The following ATAD1 variants were observed in gnomAD, a reference collection of about 807,000 sequenced individuals.
ATAD1 encodes the protein ATPase family AAA domain containing 1, also known as outer mitochondrial transmembrane helix translocase.
ATAD1 carries 18 observed loss-of-function variants against 42.7 expected under a neutral mutation model. The ratio of observed to expected loss-of-function variants is 0.42; its 90% CI spans 0.29 to 0.63. The LOEUF (loss-of-function observed/expected upper bound fraction) is 0.63. Among genes scored for constraint, ATAD1 ranks in the 20% least tolerant of loss-of-function variants. The probability of loss-of-function intolerance (pLI) is 0.19; values close to 1 mark genes in which losing one functional copy is unlikely to be tolerated. For missense variants in ATAD1, 294 were observed against 440.4 expected (o/e 0.67, Z 2.98); for synonymous variants, 132 against 143.1 (o/e 0.92, Z 0.55).
intron 1 of ATAD1, among the ~76,000 whole-genome samples, chr10:87,834,242 A>G (rs1857890225): frequency 6.6e-6 from 1 of 152,090 alleles, no homozygotes; most frequent in South Asian, 2.1e-4. Context: ...CAGATATTGT[A>G]TGGTTTTTTC....
At chr10:87,794,494 C>T (rs1003061001) in intron 2 of ATAD1, among the ~76,000 whole-genome samples, 1 of 152,302 alleles carries the variant, frequency 6.6e-6, no homozygotes, top group South Asian at 2.1e-4. Flanking sequence ...AAGCAACGCT[C>T]GAAGACAGTG....
chr10:87,788,249 A>G (rs999898967), intron 4 of ATAD1, among the ~76,000 whole-genome samples: 4 of 152,164 alleles, frequency 2.6e-5, no homozygotes, highest in Non-Finnish European at 5.9e-5. Flanking sequence ...GATCACTTTC[A>G]GCTCAGATAG....
chr10:87,755,059 G>A (rs1381255111), intron 9 of ATAD1, among the ~76,000 whole-genome samples: 3 of 152,180 alleles, frequency 2.0e-5, no homozygotes, highest in Admixed American at 2.0e-4. Flanking sequence ...TAAAAGCACT[G>A]AGTGCTAAGA....
intron 2 of ATAD1, among the ~76,000 whole-genome samples, chr10:87,795,837 C>T (rs1183628488): frequency 3.3e-5 from 5 of 152,104 alleles, no homozygotes; most frequent in East Asian, 1.9e-4. Context: ...TAAAATTGTC[C>T]TTTTGGAAGA....
At chr10:87,837,844 C>G (rs956707463) in intron 1 of ATAD1, among the ~76,000 whole-genome samples, 1 of 152,210 alleles carries the variant, frequency 6.6e-6, no homozygotes, top group African/African-American at 2.4e-5. Context: ...TTGTCACCAC[C>G]TGCTGACATT....
intron 1 of ATAD1, among the ~76,000 whole-genome samples, chr10:87,831,530 A>G (rs1029996821): frequency 6.6e-6 from 1 of 152,236 alleles, no homozygotes; most frequent in Non-Finnish European, 1.5e-5. Flanking sequence ...TCCTTTTGCT[A>G]GTAACCACCC....
intron 4 of ATAD1, among the ~76,000 whole-genome samples, chr10:87,787,092 G>A (rs760490031): frequency 4.9e-4 from 75 of 152,218 alleles, no homozygotes; most frequent in Non-Finnish European, 9.0e-4. Flanking sequence ...TAATAATTAC[G>A]ATGGGTGACA....
At chr10:87,837,371 T>G (rs982139462) in intron 1 of ATAD1, among the ~76,000 whole-genome samples, 3 of 152,264 alleles carry the variant, frequency 2.0e-5, no homozygotes, top group Non-Finnish European at 4.4e-5. Flanking sequence ...ATGTCAATTC[T>G]GTTTTCAAAA....
chr10:87,836,573 TAA>T (rs1305664476), intron 1 of ATAD1, among the ~76,000 whole-genome samples: 1 of 152,242 alleles, frequency 6.6e-6, no homozygotes, highest in Non-Finnish European at 1.5e-5. Flanking sequence ...CCCCTGTAAA[TAA>T]TGTATCATTT....
At chr10:87,808,580 A>G (rs973333125) in intron 2 of ATAD1, among the ~76,000 whole-genome samples, 2 of 152,170 alleles carry the variant, frequency 1.3e-5, no homozygotes, top group Non-Finnish European at 1.5e-5. Context: ...AACAAAACAA[A>G]AAGAACACTA....
chr10:87,763,732 G>GT (rs896303107), intron 8 of ATAD1, among the ~76,000 whole-genome samples: 40 of 150,060 alleles, frequency 2.7e-4, no homozygotes, highest in African/African-American at 9.5e-4. Context: ...TTTTTTTTTT[G>GT]TAAGTTACAT....
chr10:87,783,771 T>G (rs1235202499), intron 5 of ATAD1, among the ~76,000 whole-genome samples: 1 of 151,966 alleles, frequency 6.6e-6, no homozygotes, highest in Non-Finnish European at 1.5e-5. Context: ...TTGCTGTCTT[T>G]TTGGAAAAGA....
intron 2 of ATAD1, among the ~76,000 whole-genome samples, chr10:87,803,274 C>T (rs1856785738): frequency 6.6e-6 from 1 of 152,094 alleles, no homozygotes; most frequent in Non-Finnish European, 1.5e-5. Flanking sequence ...AGAGATCAGA[C>T]GAAACTTGAG....
chr10:87,834,721 T>G (rs886667427), intron 1 of ATAD1, among the ~76,000 whole-genome samples: 2 of 152,080 alleles, frequency 1.3e-5, no homozygotes, highest in African/African-American at 2.4e-5. Context: ...GTTTTTTGTT[T>G]CATTAATTTT....
In ATAD1 at chr10:87,754,502, AT is replaced by A. The variant is rs1301379704; in HGVS notation, c.*184del. The A allele has an allele frequency of 8.3e-6, 5 of 599,560 alleles. No individual in the cohort carries two copies. Among genetic ancestry groups the A allele is most frequent in the African/African-American group, 7.5e-5 (4 of 53,370 alleles). The allele number at this position is 599,560 out of a possible 1,614,324, so 37.1% of individuals were successfully genotyped here. ...CTGGATTCAACTGTTCCTCCTCATG[AT>A]TTTTGACCAACAGTAATACCACCTA... On this transcript the variant is annotated 3_prime_UTR_variant, in exon 10 of 10. Transcript: ENST00000680024.
chr10:87,766,082 T>C (rs1238525482), intron 8 of ATAD1, among the ~76,000 whole-genome samples: 1 of 151,956 alleles, frequency 6.6e-6, no homozygotes, highest in African/African-American at 2.4e-5. Context: ...AGATAACCAT[T>C]TTCTATCTAT....
chr10:87,790,981 C>T lies in ATAD1; in HGVS notation c.262-551G>A, dbSNP rs149119114. Among the ~76,000 whole-genome samples, 906 of 135,592 alleles carry T rather than the reference C, an allele frequency of 6.7e-3. 9 individuals carry two copies. The highest frequency in any genetic ancestry group is 0.025 in the African/African-American group (849 of 34,114). 89.0% of individuals were successfully genotyped at this position (135,592 alleles called of 152,430 possible). A position where few individuals can be genotyped will look rare whatever the true frequency, so the allele number is the denominator to read the frequency against. ...AGCGGATCACTTGAGGTCAGGAGTT[C>T]GGGACCAGCCTGGCCAACATGGTTG... is the stretch of plus-strand genomic sequence containing the variant. On this transcript the variant is annotated intron_variant, in intron 3 of 9. Transcript: ENST00000680024.
chr10:87,756,997 TAAAG>T (rs1208061507), intron 8 of ATAD1, 75 bp from the exon 9 acceptor site: 1 of 1,247,400 alleles, frequency 8.0e-7, no homozygotes, highest in Non-Finnish European at 1.1e-6. Flanking sequence ...ACACCCATCT[TAAAG>T]AAAGTTAAGC....
chr10:87,819,280 A>AAAAAC (rs1857574924), upstream of ATAD1: 2 of 149,932 alleles, frequency 1.3e-5, no homozygotes, highest in African/African-American at 4.9e-5. Flanking sequence ...AAAAAAAAAA[A>AAAAAC]AAAAAAAAAA....
Sources: gnomAD v4.1 joint callset for allele counts (sites outside exome capture counted in the v4.1 genomes callset) on GRCh38, gnomAD v4.1.1 for gene constraint, MANE v1.5 for transcripts, NCBI Gene and HGNC (gene_info 2026-07-23, HGNC 2026-07-21) for gene names.